GNA12: variants seen among roughly 807,000 people sequenced by gnomAD.
The protein encoded by GNA12 is G protein subunit alpha 12.
GNA12 carries 9 observed loss-of-function variants against 26.0 expected under a neutral mutation model. That is an observed-to-expected ratio of 0.35 (90% confidence interval 0.21 to 0.60). GNA12 has a LOEUF of 0.60. GNA12 is among the 20% of genes least tolerant of loss of function. The pLI is 0.78. For synonymous variants in GNA12, 264 were observed against 219.6 expected (o/e 1.20, Z -1.79); for missense variants, 405 against 525.8 (o/e 0.77, Z 2.25).
intron 1 of GNA12, among the ~76,000 whole-genome samples, chr7:2,812,693 C>CATCACATCACATCACATCACATCA (rs1562441413): frequency 7.0e-6 from 1 of 142,274 alleles, no homozygotes; most frequent in Admixed American, 7.1e-5. Context: ...CATCACATCA[C>CATCACATCACATCACATCACATCA]ATCAGGGGCT....
rs1789704822 is a variant in GNA12, at chr7:2,728,163, T to A, written c.*3018A>T. The A allele has an allele frequency of 6.6e-6, 1 of 152,130 alleles. No homozygotes were observed. Among genetic ancestry groups the A allele is most frequent in the South Asian group, 2.1e-4 (1 of 4,804 alleles). The allele number at this position is 152,130 out of a possible 1,614,324, so 9.4% of individuals were successfully genotyped here. On this transcript the variant is annotated 3_prime_UTR_variant, in exon 4 of 4. Transcript: ENST00000275364. Reference sequence around the variant, plus strand: ...TTAATAAACATTCAGAGGCTGAGGGTGGCCAAATTTTCAAGCCAGACCCTC... The same window carrying A: ...TTAATAAACATTCAGAGGCTGAGGGAGGCCAAATTTTCAAGCCAGACCCTC...
intron 1 of GNA12, among the ~76,000 whole-genome samples, chr7:2,839,638 C>A (rs918272135): frequency 6.6e-6 from 1 of 152,182 alleles, no homozygotes; most frequent in African/African-American, 2.4e-5. Flanking sequence ...CCTGTCTTGG[C>A]CTCCCAAAGT....
intron 2 of GNA12, among the ~76,000 whole-genome samples, chr7:2,782,708 A>AT (rs989285496): frequency 6.7e-6 from 1 of 149,640 alleles, no homozygotes; most frequent in African/African-American, 2.5e-5. Context: ...TGACTGTTTG[A>AT]TATGATTTAC....
At chr7:2,805,747 C>T (rs1326712302) in intron 1 of GNA12, among the ~76,000 whole-genome samples, 1 of 152,188 alleles carries the variant, frequency 6.6e-6, no homozygotes, top group Non-Finnish European at 1.5e-5. Flanking sequence ...ACTGTTAAGC[C>T]TGGCTACATT....
chr7:2,737,082 G>C (rs1790220025), intron 2 of GNA12, among the ~76,000 whole-genome samples: 1 of 152,106 alleles, frequency 6.6e-6, no homozygotes, highest in Admixed American at 6.6e-5. Context: ...GCCCATGTGT[G>C]GGTCCCACTG....
intron 2 of GNA12, among the ~76,000 whole-genome samples, chr7:2,740,345 C>T (rs754981496): frequency 3.9e-5 from 6 of 152,042 alleles, no homozygotes; most frequent in East Asian, 1.9e-4. Flanking sequence ...CCTCATGATA[C>T]GATAGTGCCT....
At chr7:2,750,348 A>C (rs1451602349) in intron 2 of GNA12, among the ~76,000 whole-genome samples, 1 of 152,224 alleles carries the variant, frequency 6.6e-6, no homozygotes, top group African/African-American at 2.4e-5. Context: ...AGATGATGCC[A>C]GAGCCTGCAA....
chr7:2,783,035 T>C (rs576565570), intron 2 of GNA12, among the ~76,000 whole-genome samples: 1 of 152,364 alleles, frequency 6.6e-6, no homozygotes, highest in South Asian at 2.1e-4. Flanking sequence ...TTAAACAAGT[T>C]AGGGCAGCTG....
At chr7:2,814,516 GA>G (rs796208536) in intron 1 of GNA12, 73 of 705,964 alleles carry the variant, frequency 1.0e-4, no homozygotes, top group African/African-American at 9.5e-4. Context: ...AGACTTTGAG[GA>G]AATTTCTTCT....
intron 1 of GNA12, among the ~76,000 whole-genome samples, chr7:2,813,889 G>C (rs1389645744): frequency 6.6e-6 from 1 of 152,142 alleles, no homozygotes; most frequent in Non-Finnish European, 1.5e-5. Flanking sequence ...ATTAGGATTA[G>C]GACAGTGGGT....
At chr7:2,799,816 C>T (rs1009905798) in intron 1 of GNA12, among the ~76,000 whole-genome samples, 3 of 152,148 alleles carry the variant, frequency 2.0e-5, no homozygotes, top group African/African-American at 7.2e-5. Flanking sequence ...CAGTAAGATA[C>T]TGCTGTACAC....
intron 2 of GNA12, among the ~76,000 whole-genome samples, chr7:2,737,281 T>TTTG (rs1562394928): frequency 1.4e-5 from 1 of 71,568 alleles, no homozygotes; most frequent in Non-Finnish European, 2.8e-5. Flanking sequence ...TTTGTTTTTT[T>TTTG]TTTTTTTGTT....
chr7:2,787,555 C>T (rs2115445281), intron 2 of GNA12, among the ~76,000 whole-genome samples: 1 of 152,308 alleles, frequency 6.6e-6, no homozygotes, highest in Middle Eastern at 3.4e-3. Flanking sequence ...CCCAGGCACC[C>T]ACCATCTTCT....
At chr7:2,769,708 G>C (rs1562419076) in intron 2 of GNA12, among the ~76,000 whole-genome samples, 1 of 152,110 alleles carries the variant, frequency 6.6e-6, no homozygotes, top group Non-Finnish European at 1.5e-5. Context: ...ACTCCAGCCT[G>C]GGTGAGAGAG....
At chr7:2,833,031 C>G (rs557494011) in intron 1 of GNA12, among the ~76,000 whole-genome samples, 2 of 152,358 alleles carry the variant, frequency 1.3e-5, no homozygotes, top group South Asian at 2.1e-4. Flanking sequence ...TTTATCCTCA[C>G]AGAGAGAAAG....
intron 2 of GNA12, among the ~76,000 whole-genome samples, chr7:2,753,408 G>T (rs537832489): frequency 6.1e-5 from 7 of 114,202 alleles, no homozygotes; most frequent in African/African-American, 2.2e-4. Context: ...AAAGTGCTGG[G>T]ATTACAGGTG....
In GNA12 at chr7:2,843,859, G is replaced by A. The variant is rs1387980386; in HGVS notation, c.303C>T (p.Ile101=). 9.8e-6 allele frequency: 15 copies of A among 1,526,984 alleles called. No individual in the cohort carries two copies. The highest frequency in any genetic ancestry group is 1.9e-5 in the Admixed American group (1 of 51,538). The allele number at this position is 1,526,984 out of a possible 1,614,324, so 94.6% of individuals were successfully genotyped here. The change falls in exon 1 of 4, where the codon ATC becomes ATT. Residue 101 remains isoleucine (I), a synonymous_variant. Transcript: ENST00000275364. ...GGCGGGGGGCGCGCGTCACCTTGAG[G>A]ATGTTGTCGAAGATGGTGTCGCGGA... ...LEFRDTIFDN[I]LKGSRVLVDA...
intron 1 of GNA12, among the ~76,000 whole-genome samples, chr7:2,829,777 G>A (rs945461705): frequency 4.6e-5 from 7 of 152,142 alleles, no homozygotes; most frequent in African/African-American, 1.7e-4. Context: ...CAGCATCCCT[G>A]TGGTAGCCCT....
chr7:2,843,895 C>A lies in GNA12; in HGVS notation c.267G>T (p.Ala89=). The A allele has an allele frequency of 1.9e-6, 3 of 1,572,034 alleles. No individual in the cohort carries two copies. The highest frequency in any genetic ancestry group is 2.2e-4 in the Middle Eastern group (1 of 4,560). The stretch of plus-strand genomic sequence containing the variant: ...AGATGGTGTCGCGGAACTCCAGCAG[C>A]GCCTTCTGGTCGAACTCGCGGCCGT... ...IIHGREFDQK[A]LLEFRDTIFD... The change falls in exon 1 of 4, where the codon GCG becomes GCT. Residue 89 remains alanine (A), a synonymous_variant. Transcript: ENST00000275364.
Sources: allele counts gnomAD v4.1 joint callset (sites outside exome capture counted in the v4.1 genomes callset), GRCh38; gene constraint gnomAD v4.1.1; transcripts MANE v1.5; gene names NCBI Gene and HGNC (gene_info 2026-07-23, HGNC 2026-07-21).